ADGB: variants seen among roughly 807,000 people sequenced by gnomAD.
ADGB encodes calpain-7-like protein.
ADGB carries 172 observed loss-of-function variants against 210.5 expected under a neutral mutation model. The observed-to-expected ratio is 0.82, with a 90% CI of 0.72 to 0.93. The LOEUF (loss-of-function observed/expected upper bound fraction) is 0.93, where lower values mean the gene tolerates loss of function less well. Among genes scored for constraint, ADGB ranks in the 40% least tolerant of loss-of-function variants. The pLI is 0.00. For missense variants in ADGB, 2,025 were observed against 1,964.8 expected, an observed-to-expected ratio of 1.03 and a Z score of -0.58; for synonymous variants, 658 against 662.7, an observed-to-expected ratio of 0.99 and a Z score of 0.11.
intron 25 of ADGB, among the ~76,000 whole-genome samples, chr6:146,743,731 C>T (rs1279546111): frequency 6.6e-6 from 1 of 152,078 alleles, no homozygotes; most frequent in Admixed American, 6.5e-5. Flanking sequence ...CTGGCCAACA[C>T]GGCAAAAGCC....
chr6:146,663,056 ATCT>A (rs1310628522), intron 5 of ADGB, among the ~76,000 whole-genome samples: 3 of 143,984 alleles, frequency 2.1e-5, no homozygotes, highest in Admixed American at 1.4e-4. Flanking sequence ...GATCAAAATA[ATCT>A]TATTATTAAG....
intron 23 of ADGB, among the ~76,000 whole-genome samples, chr6:146,737,218 A>G (rs773010817): frequency 6.6e-6 from 1 of 152,154 alleles, no homozygotes; most frequent in Non-Finnish European, 1.5e-5. Context: ...GAGAAAATAG[A>G]TGAAAAGTTT....
At chr6:146,629,927 T>C (rs1434561658) in intron 1 of ADGB, among the ~76,000 whole-genome samples, 1 of 152,140 alleles carries the variant, frequency 6.6e-6, no homozygotes, top group East Asian at 1.9e-4. Context: ...TAACAATACC[T>C]ATAAATGTGT....
chr6:146,736,636 T>C (rs961911154), intron 23 of ADGB, 45 bp downstream of exon 23: 18 of 1,365,488 alleles, frequency 1.3e-5, no homozygotes, highest in Non-Finnish European at 1.7e-5. Flanking sequence ...ATTGTCCTTT[T>C]GTCAAAGTCC....
rs900084596 is a variant in ADGB at position 146,672,504 on chromosome 6, A to G, written c.1087+37A>G. On this transcript the variant is annotated intron_variant, in intron 8 of 35. Transcript: ENST00000397944. ...TACATCAAAATGTGATTCAGTATGG[A>G]CATTGCATATAAATGCCTTACAATT... is the stretch of plus-strand genomic sequence containing the variant. 3.3e-6 allele frequency: 5 copies of G among 1,492,568 alleles called. No individual in the cohort carries two copies. The African/African-American group carries it at 5.7e-5, about 17-fold the overall frequency. 92.5% of individuals were successfully genotyped at this position (1,492,568 alleles called of 1,614,324 possible). A position where few individuals can be genotyped will look rare whatever the true frequency, so the allele number is the denominator to read the frequency against.
intron 7 of ADGB, among the ~76,000 whole-genome samples, chr6:146,669,503 T>A (rs897929041): frequency 6.6e-6 from 1 of 152,100 alleles, no homozygotes; most frequent in African/African-American, 2.4e-5. Context: ...TATTGTCAAA[T>A]CCAGTGATCA....
At chr6:146,624,381 T>G (rs1352004962) in intron 1 of ADGB, among the ~76,000 whole-genome samples, 1 of 151,874 alleles carries the variant, frequency 6.6e-6, no homozygotes, top group Non-Finnish European at 1.5e-5. Context: ...GACTTGTAAT[T>G]TTTTTATCCC....
intron 22 of ADGB, among the ~76,000 whole-genome samples, chr6:146,734,676 G>A (rs1322556731): frequency 6.6e-6 from 1 of 152,190 alleles, no homozygotes; most frequent in East Asian, 1.9e-4. Flanking sequence ...TTGGGAGGCT[G>A]AGGGGGGCAG....
Position 146,745,902 on chromosome 6 carries a change from G to C in ADGB, c.3178-20G>C, listed in dbSNP as rs971337747. The C allele has an allele frequency of 6.6e-7, 1 of 1,514,310 alleles. No individual in the cohort carries two copies. The highest frequency in any genetic ancestry group is 2.5e-5 in the East Asian group (1 of 40,586). The allele number at this position is 1,514,310 out of a possible 1,614,324, so 93.8% of individuals were successfully genotyped here. ...TAATAACGACATAATTCATTTCTGT[G>C]TAATTTGTCTTTCTTATAGAAGGGA... On this transcript the variant is annotated intron_variant, in intron 25 of 35. Coordinates refer to ENST00000397944, the MANE Select transcript of ADGB (RefSeq NM_024694.4).
At chr6:146,650,678 G>C (rs112737259) in intron 3 of ADGB, among the ~76,000 whole-genome samples, 367 of 147,858 alleles carry the variant, frequency 2.5e-3, no homozygotes, top group African/African-American at 9.0e-3. Context: ...CTAGTGAGGA[G>C]AGGAGAAGCC....
chr6:146,729,331 A>AT (rs1410403742), intron 20 of ADGB, among the ~76,000 whole-genome samples: 2 of 152,150 alleles, frequency 1.3e-5, no homozygotes, highest in African/African-American at 4.8e-5. Flanking sequence ...CTCTTCTTCA[A>AT]TTTTATTTGG....
intron 33 of ADGB, 76 bp downstream of exon 33, chr6:146,788,686 T>C: frequency 7.6e-7 from 1 of 1,320,832 alleles, no homozygotes; most frequent in Non-Finnish European, 1.1e-6. Flanking sequence ...AACTTAAACA[T>C]CAGTGACGGC....
At chr6:146,692,548 G>A (rs1320015705) in intron 11 of ADGB, among the ~76,000 whole-genome samples, 1 of 152,048 alleles carries the variant, frequency 6.6e-6, no homozygotes, top group Non-Finnish European at 1.5e-5. Flanking sequence ...CAAATACCAA[G>A]TAATAATTCT....
At chr6:146,766,611 C>A (rs931220829) in intron 28 of ADGB, among the ~76,000 whole-genome samples, 2 of 151,932 alleles carry the variant, frequency 1.3e-5, no homozygotes, top group Non-Finnish European at 1.5e-5. Context: ...AACGATAATT[C>A]AAAGTCCTCT....
intron 13 of ADGB, among the ~76,000 whole-genome samples, chr6:146,704,179 T>A (rs930517681): frequency 2.6e-5 from 4 of 152,002 alleles, no homozygotes; most frequent in African/African-American, 4.8e-5. Context: ...TGATGAGTTG[T>A]TTGAGTTCCT....
Position 146,745,963 on chromosome 6 carries a change from A to T in ADGB, c.3219A>T (p.Thr1073=), listed in dbSNP as rs1309712446. ...TFVAEAFTGD[T]YVAASRWKLR... is the part of the protein sequence containing the mutation. The stretch of plus-strand genomic sequence containing the variant: ...TGGCGGAAGCATTTACAGGCGACAC[A>T]TATGTAGCAGCCTCACGATGGAAAC... Residue 1073 remains threonine, a synonymous_variant, in exon 26 of 36, where the codon ACA becomes ACT. Coordinates refer to ENST00000397944, the MANE Select transcript of ADGB (RefSeq NM_024694.4). The T allele has an allele frequency of 6.4e-7, 1 of 1,551,026 alleles. No individual in the cohort carries two copies. The highest frequency in any genetic ancestry group is 1.4e-5 in the African/African-American group (1 of 73,016).
intron 31 of ADGB, among the ~76,000 whole-genome samples, chr6:146,785,082 C>G (rs1387532577): frequency 1.3e-5 from 2 of 152,224 alleles, no homozygotes; most frequent in African/African-American, 2.4e-5. Context: ...GCTTTCTGCA[C>G]GTCTGCTCTT....
At chr6:146,698,644 A>G (rs1776443919) in intron 12 of ADGB, among the ~76,000 whole-genome samples, 1 of 152,198 alleles carries the variant, frequency 6.6e-6, no homozygotes, top group South Asian at 2.1e-4. Flanking sequence ...GCCATGCGGG[A>G]CAGCTTTATA....
rs908430364 is a variant in ADGB at position 146,747,845 on chromosome 6, C to T, written c.3365+1736C>T. On this transcript the variant is annotated intron_variant, in intron 26 of 35. Coordinates refer to ENST00000397944, the MANE Select transcript of ADGB (RefSeq NM_024694.4). ...CCAGGCTGTATGTAGTACAGCGGCA[C>T]GATCTTGGCTCATTGCAACCTCTGC... Among the ~76,000 whole-genome samples, 8 of 149,780 alleles carry T rather than the reference C, an allele frequency of 5.3e-5. No homozygotes were observed. The East Asian group carries it at 5.9e-4, about 11-fold the overall frequency.
Sources: allele counts gnomAD v4.1 joint callset (sites outside exome capture counted in the v4.1 genomes callset), GRCh38; gene constraint gnomAD v4.1.1; transcripts MANE v1.5; gene names NCBI Gene and HGNC (gene_info 2026-07-23, HGNC 2026-07-21).